Variants in INSIG2 observed in about 807,000 individuals in gnomAD.
The protein encoded by INSIG2 is insulin induced gene 2.
A neutral mutation model predicts 27.2 loss-of-function variants in INSIG2; 10 were observed. The observed-to-expected ratio is 0.37, with a 90% CI of 0.23 to 0.62. The LOEUF (loss-of-function observed/expected upper bound fraction) is 0.62, where lower values mean the gene tolerates loss of function less well. Ranked by LOEUF, INSIG2 falls within the 20% of genes least tolerant of loss-of-function variation. The probability of loss-of-function intolerance (pLI) is 0.65; values close to 1 mark genes in which losing one functional copy is unlikely to be tolerated. For synonymous variants in INSIG2, 97 were observed against 95.8 expected, an observed-to-expected ratio of 1.01 and a Z score of -0.07; for missense variants, 178 against 270.2, an observed-to-expected ratio of 0.66 and a Z score of 2.39.
At chr2:118,102,318 A>G (rs1397370382) in intron 2 of INSIG2, among the ~76,000 whole-genome samples, 1 of 152,234 alleles carries the variant, frequency 6.6e-6, no homozygotes, top group Non-Finnish European at 1.5e-5. Context: ...GGTTTGAGAA[A>G]TAAGAAAGGG....
intron 2 of INSIG2, among the ~76,000 whole-genome samples, chr2:118,097,189 AACT>A (rs1287510913): frequency 1.3e-5 from 2 of 152,296 alleles, no homozygotes; most frequent in Non-Finnish European, 2.9e-5. Flanking sequence ...CTGTCCTGTA[AACT>A]TTTAACATTT....
At chr2:118,096,046 T>G (rs1232153091) in intron 1 of INSIG2, among the ~76,000 whole-genome samples, 1 of 152,138 alleles carries the variant, frequency 6.6e-6, no homozygotes, top group Admixed American at 6.6e-5. Context: ...GGCTTAGAGA[T>G]TTAGGGAGAA....
intron 5 of INSIG2, among the ~76,000 whole-genome samples, chr2:118,107,595 GAAGGAA>G (rs968380203): frequency 1.3e-5 from 2 of 152,178 alleles, no homozygotes; most frequent in Non-Finnish European, 2.9e-5. Context: ...TTTTAGTGAT[GAAGGAA>G]AAGGAAAAGG....
intron 5 of INSIG2, 22 bp from the exon 6 acceptor site, chr2:118,108,251 GTTAACCTT>G (rs763288479): frequency 1.3e-6 from 2 of 1,517,726 alleles, no homozygotes; most frequent in South Asian, 1.2e-5. Context: ...GTCTTAATCT[GTTAACCTT>G]TTAACCTTTT....
intron 2 of INSIG2, among the ~76,000 whole-genome samples, chr2:118,101,923 G>C (rs1025771707): frequency 6.6e-6 from 1 of 152,204 alleles, no homozygotes; most frequent in African/African-American, 2.4e-5. Context: ...CTCATCTCGA[G>C]ATAGAAGGGT....
At chr2:118,103,059 T>A in intron 2 of INSIG2, 138 bp from the exon 3 acceptor site, 2 of 745,108 alleles carry the variant, frequency 2.7e-6, no homozygotes, top group East Asian at 2.5e-5. Flanking sequence ...CGGTGATTGA[T>A]GTGAAATAAC....
intron 1 of INSIG2, among the ~76,000 whole-genome samples, chr2:118,095,762 C>G (rs1348967929): frequency 6.6e-6 from 1 of 152,182 alleles, no homozygotes; most frequent in Non-Finnish European, 1.5e-5. Flanking sequence ...CAAGGGCAGA[C>G]TGTTGAGACA....
At chr2:118,090,021 C>T (rs1294814021) in intron 1 of INSIG2, among the ~76,000 whole-genome samples, 3 of 152,136 alleles carry the variant, frequency 2.0e-5, no homozygotes, top group East Asian at 3.8e-4. Context: ...AAATTTTTAA[C>T]GTCTCTAGCC....
At chr2:118,092,977 G>A (rs1558832128) in intron 1 of INSIG2, among the ~76,000 whole-genome samples, 1 of 146,574 alleles carries the variant, frequency 6.8e-6, no homozygotes, top group Non-Finnish European at 1.5e-5. Flanking sequence ...GAGTTCTGTA[G>A]CTACTGAACC....
chr2:118,098,116 C>T (rs2551667), intron 2 of INSIG2, among the ~76,000 whole-genome samples: 4 of 152,130 alleles, frequency 2.6e-5, no homozygotes, highest in Non-Finnish European at 5.9e-5. Context: ...GCTGTATGTA[C>T]TGGTCCTCAT....
chr2:118,108,539 T>G lies in INSIG2; in HGVS notation c.*217T>G, dbSNP rs1232307997. On this transcript the variant is annotated 3_prime_UTR_variant, in exon 6 of 6. Transcript: ENST00000245787. ...AAATCAGTTGTAAACCTTTACATAT[T>G]TGACTTAAATAACTGTAAGATATAT... 2.4e-6 allele frequency: 1 copy of G among 414,480 alleles called. No individual in the cohort carries two copies. The highest frequency in any genetic ancestry group is 4.4e-6 in the Non-Finnish European group (1 of 229,742). The allele number at this position is 414,480 out of a possible 1,614,324, so 25.7% of individuals were successfully genotyped here.
At chr2:118,089,732 G>A (rs1678181909) in intron 1 of INSIG2, among the ~76,000 whole-genome samples, 1 of 151,938 alleles carries the variant, frequency 6.6e-6, no homozygotes, top group African/African-American at 2.4e-5. Flanking sequence ...GTCCACTCGG[G>A]AAAGAGGTTG....
chr2:118,099,878 G>C (rs1678498349), intron 2 of INSIG2, among the ~76,000 whole-genome samples: 1 of 151,996 alleles, frequency 6.6e-6, no homozygotes, highest in Admixed American at 6.6e-5. Context: ...GTCTTTGCCG[G>C]CCTCTAGTTT....
In INSIG2 at chr2:118,110,362, GT is replaced by G. The variant is rs1678782836; in HGVS notation, c.*2043del. Reference sequence around the variant, plus strand: ...GTGTAAGCTAAGGAAAAGAAAATGTGTTTACTCTTCATTCAGTGGAAGTGGA... The same window carrying G: ...GTGTAAGCTAAGGAAAAGAAAATGTGTTACTCTTCATTCAGTGGAAGTGGA... On this transcript the variant is annotated 3_prime_UTR_variant, in exon 6 of 6. Coordinates refer to ENST00000245787, the MANE Select transcript of INSIG2 (RefSeq NM_016133.4). 6.6e-6 allele frequency: 1 copy of G among 152,184 alleles called. No homozygotes were observed. The highest frequency in any genetic ancestry group is 6.5e-5 in the Admixed American group (1 of 15,282). The allele number at this position is 152,184 out of a possible 1,614,324, so 9.4% of individuals were successfully genotyped here.
At chr2:118,096,305 A>C in intron 1 of INSIG2, 114 bp from the exon 2 acceptor site, 2 of 361,298 alleles carry the variant, frequency 5.5e-6, no homozygotes, top group East Asian at 5.0e-5. Flanking sequence ...AAATTAGTAT[A>C]CAAGCTTGTC....
intron 3 of INSIG2, among the ~76,000 whole-genome samples, chr2:118,103,799 C>T (rs905152531): frequency 4.0e-5 from 6 of 151,778 alleles, no homozygotes; most frequent in Non-Finnish European, 4.4e-5. Flanking sequence ...ACCACATAAA[C>T]GGCATAAGTA....
In INSIG2 at chr2:118,110,348, G is replaced by C. The variant is rs781694729; in HGVS notation, c.*2026G>C. The C allele has an allele frequency of 6.6e-6, 1 of 152,168 alleles. No individual in the cohort carries two copies. The highest frequency in any genetic ancestry group is 1.5e-5 in the Non-Finnish European group (1 of 68,038). 9.4% of individuals were successfully genotyped at this position (152,168 alleles called of 1,614,324 possible). ...GTTTTCTTACAATAGTGTAAGCTAA[G>C]GAAAAGAAAATGTGTTTACTCTTCA... On this transcript the variant is annotated 3_prime_UTR_variant, in exon 6 of 6. Transcript: ENST00000245787.
intron 3 of INSIG2, among the ~76,000 whole-genome samples, chr2:118,105,526 A>G (rs1283089001): frequency 6.6e-6 from 1 of 152,200 alleles, no homozygotes; most frequent in African/African-American, 2.4e-5. Flanking sequence ...CTTTAAGTAT[A>G]ATGACAGCAT....
At position 118,096,637 on chromosome 2, in the gene INSIG2, C is replaced by T. The variant is rs1678413263; in HGVS notation, c.81C>T (p.Asn27=). ...CATCTGTCACTAGCCAGAGTGTGAA[C>T]TTGATGATTCGAGGAGTAGTGCTAT... ...YISSVTSQSV[N]LMIRGVVLFF... is the part of the protein sequence containing the mutation. The change falls in exon 2 of 6, where the codon AAC becomes AAT. Residue 27 remains asparagine (N), a synonymous_variant. Coordinates refer to ENST00000245787, the MANE Select transcript of INSIG2 (RefSeq NM_016133.4). The T allele has an allele frequency of 6.2e-7, 1 of 1,613,952 alleles. No individual in the cohort carries two copies. The highest frequency in any genetic ancestry group is 1.3e-5 in the African/African-American group (1 of 74,984).
Sources: allele counts gnomAD v4.1 joint callset (sites outside exome capture counted in the v4.1 genomes callset), GRCh38; gene constraint gnomAD v4.1.1; transcripts MANE v1.5; gene names NCBI Gene and HGNC (gene_info 2026-07-23, HGNC 2026-07-21).